Variants in CBLC observed in about 807,000 individuals in gnomAD.
CBLC encodes Cbl proto-oncogene C.
Under a neutral mutation model 58.6 loss-of-function variants are expected in CBLC, and 46 were observed. The observed-to-expected ratio is 0.79, with a 90% confidence interval of 0.62 to 1.00. The LOEUF is 1.00. Among genes scored for constraint, CBLC ranks in the 50% least tolerant of loss-of-function variants. CBLC has a pLI of 0.00. For missense variants in CBLC, 655 were observed against 625.8 expected (o/e 1.05, Z -0.50); for synonymous variants, 271 against 264.2 (o/e 1.03, Z -0.25).
chr19:44,799,252 G>T (rs761083731), intron 9 of CBLC, among the ~76,000 whole-genome samples: 1 of 152,196 alleles, frequency 6.6e-6, no homozygotes. Context: ...CAGGAGGATG[G>T]TTTAAGCCCA....
chr19:44,785,664 G>A (rs911790320), intron 5 of CBLC, among the ~76,000 whole-genome samples: 6 of 151,726 alleles, frequency 4.0e-5, no homozygotes, highest in Non-Finnish European at 5.9e-5. Context: ...GGTGGGGCAC[G>A]GTGGTTCACG....
rs539384711 is a variant in CBLC at position 44,793,408 on chromosome 19, C to T, written c.1138-66C>T. ...TCAATCTTTTGGGCGGGGAGCTCCT[C>T]GTTGGCCCAAGGGACAGGATGGAGA... On this transcript the variant is annotated intron_variant, in intron 7 of 10. Coordinates refer to ENST00000647358, the MANE Select transcript of CBLC (RefSeq NM_012116.4). 1.6e-4 allele frequency: 234 copies of T among 1,480,442 alleles called. No individual in the cohort carries two copies. The African/African-American group carries it at 1.6e-3, about 10-fold the overall frequency. 91.7% of individuals were successfully genotyped at this position (1,480,442 alleles called of 1,614,324 possible).
At chr19:44,800,360 C>T (rs1326632730) in intron 9 of CBLC, 21 bp from the exon 10 acceptor site, 1 of 1,577,710 alleles carries the variant, frequency 6.3e-7, no homozygotes, top group Non-Finnish European at 8.7e-7. Context: ...CAACCGCCCT[C>T]TCAAAATATC....
intron 9 of CBLC, among the ~76,000 whole-genome samples, chr19:44,799,413 A>G (rs751249441): frequency 3.9e-5 from 6 of 152,042 alleles, no homozygotes; most frequent in Non-Finnish European, 5.9e-5. Flanking sequence ...GCTTATGGCA[A>G]TCCCCACCTC....
chr19:44,778,714 C>T (rs1406243865), intron 1 of CBLC, among the ~76,000 whole-genome samples: 1 of 43,732 alleles, frequency 2.3e-5, no homozygotes, highest in East Asian at 7.4e-4. Flanking sequence ...AGCCCCTCCT[C>T]CCTCAGACCC....
chr19:44,796,294 C>G (rs982451196), intron 9 of CBLC, among the ~76,000 whole-genome samples: 1 of 152,120 alleles, frequency 6.6e-6, no homozygotes, highest in African/African-American at 2.4e-5. Flanking sequence ...CAGTACCTGC[C>G]CAAAACCACA....
intron 5 of CBLC, among the ~76,000 whole-genome samples, chr19:44,788,217 A>AG (rs1568560467): frequency 6.6e-6 from 1 of 151,970 alleles, no homozygotes; most frequent in East Asian, 1.9e-4. Context: ...TCCCAGGCTC[A>AG]GGGGATTCTC....
At chr19:44,793,720 G>A (rs1292564121) in intron 8 of CBLC, 100 bp downstream of exon 8, 3 of 1,156,408 alleles carry the variant, frequency 2.6e-6, no homozygotes, top group Non-Finnish European at 3.7e-6. Flanking sequence ...AGAGACTGGG[G>A]GCCTGGACTC....
rs770035168 is a variant in CBLC at position 44,794,235 on chromosome 19, G to A, written c.1316G>A (p.Arg439Gln). The A allele has an allele frequency of 6.8e-6, 11 of 1,612,436 alleles. No individual in the cohort carries two copies. The South Asian group carries it at 7.7e-5, about 11-fold the overall frequency. The change falls in exon 9 of 11, where the codon CGG (arginine) becomes CAG (glutamine). Residue 439 changes from arginine to glutamine, a missense_variant. Transcript: ENST00000647358. ...VPLSAPPLPP[R>Q]PDLPPRKPRN... Reference sequence around the variant, plus strand: ...CTTTCGGCTCCTCCATTGCCCCCACGGCCAGATCTGCCCCCCAGGAAGCCC... The same window carrying A: ...CTTTCGGCTCCTCCATTGCCCCCACAGCCAGATCTGCCCCCCAGGAAGCCC...
chr19:44,794,317 G>A (rs748733485), intron 9 of CBLC, 36 bp downstream of exon 9: 43 of 1,600,086 alleles, frequency 2.7e-5, no homozygotes, highest in Non-Finnish European at 3.5e-5. Context: ...GGGGGCTGGG[G>A]TCTCACTCAC....
At position 44,778,266 on chromosome 19, in the gene CBLC, G is replaced by T; in HGVS notation, c.335G>T (p.Arg112Leu). 6.9e-7 allele frequency: 1 copy of T among 1,442,292 alleles called. No individual in the cohort carries two copies. Among genetic ancestry groups the T allele is most frequent in the Non-Finnish European group, 9.1e-7 (1 of 1,099,804 alleles). The allele number at this position is 1,442,292 out of a possible 1,614,324, so 89.3% of individuals were successfully genotyped here. A position where few individuals can be genotyped will look rare whatever the true frequency, so the allele number is the denominator to read the frequency against. Residue 112 changes from arginine (R) to leucine (L), a missense_variant, in exon 1 of 11, where the codon CGG becomes CTG. This residue lies in a region of CBLC where 280 missense variants were observed against 237.2 expected (regional missense o/e 1.18). Coordinates refer to ENST00000647358, the MANE Select transcript of CBLC (RefSeq NM_012116.4). ...GRRSANDELF[R>L]AGSRLRRQLA... The stretch of plus-strand genomic sequence containing the variant: ...AGGAGTGCCAACGACGAGCTCTTCC[G>T]GGCGGGCTCCAGACTCAGGTGAGCC...
intron 8 of CBLC, 68 bp downstream of exon 8, chr19:44,793,688 G>A: frequency 2.1e-6 from 3 of 1,445,458 alleles, no homozygotes; most frequent in South Asian, 1.2e-5. Flanking sequence ...ACTGGAGCCT[G>A]GACTCCTGGG....
chr19:44,787,311 G>A (rs918925359), intron 5 of CBLC, among the ~76,000 whole-genome samples: 3 of 151,914 alleles, frequency 2.0e-5, no homozygotes, highest in East Asian at 3.9e-4. Context: ...GGAGAATGGC[G>A]TGAACTCGGG....
chr19:44,787,236 A>G (rs1245256214), intron 5 of CBLC, among the ~76,000 whole-genome samples: 1 of 151,626 alleles, frequency 6.6e-6, no homozygotes, highest in Admixed American at 6.6e-5. Context: ...TACTGAAAAT[A>G]ACAAAAAATT....
intron 5 of CBLC, among the ~76,000 whole-genome samples, chr19:44,785,598 GATT>G (rs1274414074): frequency 1.3e-5 from 2 of 151,902 alleles, no homozygotes; most frequent in Non-Finnish European, 2.9e-5. Flanking sequence ...ATATGCTGTT[GATT>G]ATTTGCAATA....
rs527817835 is a variant in CBLC, at chr19:44,788,303, T to TG, written c.918-1701_918-1700insG. On this transcript the variant is annotated intron_variant, in intron 5 of 10. Coordinates refer to ENST00000647358, the MANE Select transcript of CBLC (RefSeq NM_012116.4). ...CCCAGCTAATTTTTTTAATTTTTTT[T>TG]TTTTTAGACATAGTGTCTTTCTGTG... is the stretch of plus-strand genomic sequence containing the variant. Among the ~76,000 whole-genome samples the TG allele has an allele frequency of 2.4e-3, 370 of 151,650 alleles. 1 individual carries two copies. Among genetic ancestry groups the TG allele is most frequent in the African/African-American group, 8.6e-3 (356 of 41,386 alleles).
chr19:44,799,048 A>T (rs975498782), intron 9 of CBLC, among the ~76,000 whole-genome samples: 3 of 152,152 alleles, frequency 2.0e-5, no homozygotes, highest in Non-Finnish European at 4.4e-5. Flanking sequence ...AAGGACATGG[A>T]ACTTGCTCTG....
chr19:44,794,322 A>G (rs374667364), intron 9 of CBLC, 41 bp downstream of exon 9: 1 of 1,590,292 alleles, frequency 6.3e-7, no homozygotes, highest in Non-Finnish European at 8.6e-7. Flanking sequence ...CTGGGGTCTC[A>G]CTCACCTCCA....
chr19:44,782,290 A>T (rs1253903145), intron 3 of CBLC, 80 bp from the exon 4 acceptor site: 4 of 1,581,196 alleles, frequency 2.5e-6, no homozygotes, highest in African/African-American at 2.7e-5. Flanking sequence ...AGGTGGTTGG[A>T]TCCTCGAGCC....
Sources: allele counts gnomAD v4.1 joint callset (sites outside exome capture counted in the v4.1 genomes callset), GRCh38; gene constraint gnomAD v4.1.1; regional missense constraint gnomAD v4.1.1; transcripts MANE v1.5; gene names NCBI Gene and HGNC (gene_info 2026-07-23, HGNC 2026-07-21).